Variants in LCOR observed in about 807,000 individuals in gnomAD.
LCOR encodes the protein ligand-dependent corepressor.
A neutral mutation model predicts 64.4 loss-of-function variants in LCOR; 14 were observed. The observed-to-expected ratio is 0.22, with a 90% CI of 0.14 to 0.34. The LOEUF is 0.34. Among genes scored for constraint, LCOR ranks in the 10% least tolerant of loss-of-function variants. LCOR has a pLI of 1.00. For missense variants in LCOR, 1,686 were observed against 1,765.3 expected (o/e 0.96, Z 0.80); for synonymous variants, 643 against 642.5 (o/e 1.00, Z -0.01).
At chr10:96,910,021 T>C (rs1275656057) in intron 4 of LCOR, among the ~76,000 whole-genome samples, 9 of 152,224 alleles carry the variant, frequency 5.9e-5, no homozygotes, top group Admixed American at 5.9e-4. Flanking sequence ...TAGTTGTATA[T>C]AGTATATTCT....
intron 4 of LCOR, among the ~76,000 whole-genome samples, chr10:96,917,704 G>A (rs1365494724): frequency 1.3e-5 from 2 of 152,178 alleles, no homozygotes; most frequent in African/African-American, 4.8e-5. Flanking sequence ...TTCACAAAAT[G>A]AAACTGTTCT....
At chr10:96,935,399 T>G (rs1847332683) in intron 4 of LCOR, among the ~76,000 whole-genome samples, 1 of 152,130 alleles carries the variant, frequency 6.6e-6, no homozygotes, top group East Asian at 1.9e-4. Flanking sequence ...TCAGCCTGCC[T>G]TGGCCTCCCA....
At chr10:96,903,641 T>A (rs1339510111) in intron 2 of LCOR, among the ~76,000 whole-genome samples, 2 of 152,256 alleles carry the variant, frequency 1.3e-5, no homozygotes, top group African/African-American at 4.8e-5. Flanking sequence ...GCTATATTGC[T>A]GACCTTAGTT....
intron 2 of LCOR, among the ~76,000 whole-genome samples, chr10:96,879,050 C>T (rs1846216927): frequency 6.6e-6 from 1 of 152,166 alleles, no homozygotes; most frequent in African/African-American, 2.4e-5. Flanking sequence ...CCTGCCTTGA[C>T]CTCCCAAAGT....
chr10:96,896,210 C>T (rs1039331485), intron 2 of LCOR, among the ~76,000 whole-genome samples: 6 of 152,020 alleles, frequency 3.9e-5, no homozygotes, highest in Admixed American at 1.3e-4. Context: ...TATTTAGAGG[C>T]GTGTGGGTTG....
chr10:96,843,759 G>C (rs1439883502), intron 2 of LCOR, among the ~76,000 whole-genome samples: 1 of 152,092 alleles, frequency 6.6e-6, no homozygotes, highest in Admixed American at 6.6e-5. Context: ...ATTGAATCTT[G>C]GTTGTATCCT....
At chr10:96,905,366 T>C (rs1846709814) in intron 2 of LCOR, among the ~76,000 whole-genome samples, 1 of 152,234 alleles carries the variant, frequency 6.6e-6, no homozygotes, top group African/African-American at 2.4e-5. Flanking sequence ...TAATTTCCTT[T>C]AGCTATTTGC....
chr10:96,854,440 C>A (rs1845770257), intron 2 of LCOR, among the ~76,000 whole-genome samples: 1 of 152,128 alleles, frequency 6.6e-6, no homozygotes, highest in South Asian at 2.1e-4. Context: ...GATTCTCCTG[C>A]CTCAGCCTCC....
At chr10:96,873,595 TG>T (rs1846112994) in intron 2 of LCOR, among the ~76,000 whole-genome samples, 1 of 149,334 alleles carries the variant, frequency 6.7e-6, no homozygotes, top group Non-Finnish European at 1.5e-5. Flanking sequence ...TGTGTGTGTG[TG>T]TGTGTGTGTG....
intron 5 of LCOR, 65 bp downstream of exon 5, chr10:96,944,310 A>G: frequency 1.1e-6 from 1 of 872,570 alleles, no homozygotes; most frequent in Non-Finnish European, 1.4e-6. Context: ...CCTTAATTTC[A>G]TTGTCATTTT....
At chr10:96,958,625 G>GT in intron 7 of LCOR, 1 of 589,044 alleles carries the variant, frequency 1.7e-6, no homozygotes, top group Non-Finnish European at 3.0e-6. Context: ...CCTGAAGATT[G>GT]TAATATTCAT....
chr10:96,901,115 G>A (rs973765902), intron 2 of LCOR, among the ~76,000 whole-genome samples: 4 of 151,964 alleles, frequency 2.6e-5, no homozygotes, highest in African/African-American at 7.2e-5. Flanking sequence ...CATGAACCCG[G>A]GAGGCGGAGC....
intron 7 of LCOR, chr10:96,955,501 C>T: frequency 6.2e-7 from 1 of 1,614,086 alleles, no homozygotes; most frequent in Non-Finnish European, 8.5e-7. Context: ...AAATTAAGGG[C>T]TATTCTTCCA....
At chr10:96,846,751 C>T (rs748706588) in intron 2 of LCOR, among the ~76,000 whole-genome samples, 1 of 152,052 alleles carries the variant, frequency 6.6e-6, no homozygotes, top group African/African-American at 2.4e-5. Flanking sequence ...TGAGAAACCC[C>T]CATACATCTA....
At chr10:96,892,500 T>C (rs1292512796) in intron 2 of LCOR, among the ~76,000 whole-genome samples, 1 of 152,196 alleles carries the variant, frequency 6.6e-6, no homozygotes, top group Non-Finnish European at 1.5e-5. Context: ...TTCTGGTTCA[T>C]GGATGACTGT....
At chr10:96,925,851 CT>C (rs1847159219) in intron 4 of LCOR, among the ~76,000 whole-genome samples, 1 of 152,106 alleles carries the variant, frequency 6.6e-6, no homozygotes, top group Non-Finnish European at 1.5e-5. Context: ...TTCTTAACCC[CT>C]TTTTTTCTTC....
intron 2 of LCOR, among the ~76,000 whole-genome samples, chr10:96,894,895 G>A (rs1846511459): frequency 6.6e-6 from 1 of 152,152 alleles, no homozygotes; most frequent in African/African-American, 2.4e-5. Flanking sequence ...AGATCAGCTA[G>A]TATTTTTTGA....
chr10:96,945,617 A>G (rs1847573807), intron 5 of LCOR, among the ~76,000 whole-genome samples: 1 of 152,120 alleles, frequency 6.6e-6, no homozygotes. Flanking sequence ...AGCAAATTTA[A>G]GTATAAACAA....
intron 7 of LCOR, among the ~76,000 whole-genome samples, chr10:96,973,850 T>TAA (rs1350398917): frequency 2.0e-5 from 3 of 152,226 alleles, no homozygotes; most frequent in African/African-American, 7.2e-5. Flanking sequence ...TATTGGTAGT[T>TAA]AGAGAGTAAA....
Sources: gnomAD v4.1 joint callset for allele counts (sites outside exome capture counted in the v4.1 genomes callset) on GRCh38, gnomAD v4.1.1 for gene constraint, MANE v1.5 for transcripts, NCBI Gene and HGNC (gene_info 2026-07-23, HGNC 2026-07-21) for gene names.